PMFBP1: variants seen among roughly 807,000 people sequenced by gnomAD.
The protein encoded by PMFBP1 is polyamine-modulated factor 1-binding protein 1.
Under a neutral mutation model 137.8 loss-of-function variants are expected in PMFBP1, and 131 were observed. The observed-to-expected ratio is 0.95, with a 90% CI of 0.82 to 1.10. The LOEUF is 1.10. PMFBP1 is among the 50% of genes least tolerant of loss of function. The pLI is 0.00. For missense variants in PMFBP1, 1,199 were observed against 1,175.4 expected (o/e 1.02, Z -0.29); for synonymous variants, 490 against 450.4 (o/e 1.09, Z -1.11).
chr16:72,122,921 C>T lies in PMFBP1; in HGVS notation c.2761G>A (p.Glu921Lys), dbSNP rs775991146. 1.9e-5 allele frequency: 31 copies of T among 1,612,978 alleles called. No homozygotes were observed. The highest frequency in any genetic ancestry group is 1.6e-4 in the Middle Eastern group (1 of 6,068). Residue 921 changes from glutamate to lysine, a missense_variant, in exon 19 of 21, where the codon GAA becomes AAA. Glu to Lys is a moderately conservative substitution (Grantham distance 56). Coordinates refer to ENST00000237353, the MANE Select transcript of PMFBP1 (RefSeq NM_031293.3). Reference protein sequence around the residue: ...QVKYIAKLSGEKDHLHSVMVH... With the variant: ...QVKYIAKLSGKKDHLHSVMVH... ...TGGTTTAAGATGACTTACTCCTTTT[C>T]GCCACTCAGCTTGGCAATGTATTTC...
intron 5 of PMFBP1, among the ~76,000 whole-genome samples, chr16:72,142,267 G>C (rs184933204): frequency 6.6e-6 from 1 of 152,118 alleles, no homozygotes; most frequent in Admixed American, 6.6e-5. Flanking sequence ...CAAGGAAGAA[G>C]ATATCTACAT....
At chr16:72,239,007 T>C in the PMFBP1 span, among the ~76,000 whole-genome samples, 1 of 151,972 alleles carries the variant, frequency 6.6e-6, no homozygotes, top group Non-Finnish European at 1.5e-5. Flanking sequence ...TAATAAAATA[T>C]ACCCAAAAAA....
In PMFBP1 at chr16:72,128,788, C is replaced by T; in HGVS notation, c.1957G>A (p.Glu653Lys). 1.2e-6 allele frequency: 2 copies of T among 1,614,212 alleles called. No individual in the cohort carries two copies. Among genetic ancestry groups the T allele is most frequent in the East Asian group, 4.5e-5 (2 of 44,886 alleles). ...TCTTCCTCCAACTTTCTGGAATTCTCTTTCAACTGTTCCCTCATTAAAGAA... is the reference window on the plus strand; with the variant it reads ...TCTTCCTCCAACTTTCTGGAATTCTTTTTCAACTGTTCCCTCATTAAAGAA... ...EFKKKDKTLK[E>K]NSRKLEEENE... The change falls in exon 14 of 21, where the codon GAG (glutamate) becomes AAG (lysine). Residue 653 changes from glutamate to lysine, a missense_variant. Glu to Lys is a moderately conservative substitution (Grantham distance 56, BLOSUM62 1). Coordinates refer to ENST00000237353, the MANE Select transcript of PMFBP1 (RefSeq NM_031293.3).
At position 72,128,276 on chromosome 16, in the gene PMFBP1, A is replaced by G. The variant is rs951706896; in HGVS notation, c.2088+381T>C. 1.1e-5 allele frequency: 9 copies of G among 852,260 alleles called. No individual in the cohort carries two copies. In the African/African-American group the frequency reaches 1.6e-4, roughly 15 times the overall value. 52.8% of individuals were successfully genotyped at this position (852,260 alleles called of 1,614,324 possible). A position where few individuals can be genotyped will look rare whatever the true frequency, so the allele number is the denominator to read the frequency against. ...CCTTTCTGTCATTTTTACTTGTGTA[A>G]TGAAAAATAACTGTCCCCCCTTTCA... On this transcript the variant is annotated intron_variant, in intron 14 of 20. Transcript: ENST00000237353.
Position 72,131,228 on chromosome 16 carries a change from T to C in PMFBP1, c.1448-506A>G, listed in dbSNP as rs190532966. Among the ~76,000 whole-genome samples the C allele has an allele frequency of 3.9e-5, 6 of 151,986 alleles. No individual in the cohort carries two copies. The East Asian group carries it at 9.7e-4, about 25-fold the overall frequency. ...TAGAGCAGATGCCTGGTGAGGAGAA[T>C]GCGGAAGGTGTGTGGGAGGAGGGTA... On this transcript the variant is annotated intron_variant, in intron 10 of 20. Transcript: ENST00000237353.
chr16:72,235,565 G>T, the PMFBP1 span, among the ~76,000 whole-genome samples: 4 of 151,420 alleles, frequency 2.6e-5, no homozygotes, highest in Admixed American at 2.0e-4. Flanking sequence ...AAGCACCTGG[G>T]ATTTTGATAG....
At position 72,130,626 on chromosome 16, in the gene PMFBP1, T is replaced by G. The variant is rs777554184; in HGVS notation, c.1544A>C (p.Lys515Thr). ...TTCCTGGATGGTGTCTGCCTTCTGC[T>G]TGTCCAGGAGGAGACCCTTCTGCAG... ...RKLQKGLLLD[K>T]QKADTIQELQ... Residue 515 changes from lysine (K) to threonine (T), a missense_variant, in exon 11 of 21, where the codon AAG becomes ACG. By Grantham distance (78) the Lys-to-Thr change is moderately conservative (BLOSUM62 -1). Transcript: ENST00000237353. 3 of 1,613,854 alleles carry G rather than the reference T, an allele frequency of 1.9e-6. No homozygotes were observed. The African/African-American group carries it at 4.0e-5, about 22-fold the overall frequency.
chr16:72,125,500 C>T (rs778736142), intron 15 of PMFBP1, 95 bp from the exon 16 acceptor site: 2 of 1,377,672 alleles, frequency 1.5e-6, no homozygotes, highest in Non-Finnish European at 2.0e-6. Context: ...CCTTCCTGTC[C>T]TCTGCCCAGG....
chr16:72,229,291 T>C, the PMFBP1 span, among the ~76,000 whole-genome samples: 3 of 152,216 alleles, frequency 2.0e-5, no homozygotes, highest in African/African-American at 7.2e-5. Flanking sequence ...ATCTTTGCTA[T>C]TGTGAATAGT....
At chr16:72,132,677 A>G in intron 10 of PMFBP1, 71 bp downstream of exon 10, 1 of 1,593,382 alleles carries the variant, frequency 6.3e-7, no homozygotes, top group Non-Finnish European at 8.5e-7. Flanking sequence ...TGGGAGAGAG[A>G]AGGTGGCTGC....
chr16:72,142,149 G>A (rs2042733319), intron 5 of PMFBP1, among the ~76,000 whole-genome samples: 2 of 152,154 alleles, frequency 1.3e-5, no homozygotes, highest in African/African-American at 4.8e-5. Context: ...CTGTGAGCAA[G>A]CTGCAGGAAG....
intron 10 of PMFBP1, among the ~76,000 whole-genome samples, chr16:72,131,916 G>A (rs999908332): frequency 1.2e-4 from 18 of 152,174 alleles, no homozygotes; most frequent in African/African-American, 4.3e-4. Flanking sequence ...CGTAATCTCA[G>A]CTCACTGCAA....
the PMFBP1 span, among the ~76,000 whole-genome samples, chr16:72,208,746 C>T: frequency 2.0e-5 from 3 of 152,174 alleles, no homozygotes; most frequent in Admixed American, 6.5e-5. Flanking sequence ...GCGTCTTGAC[C>T]GCCTTAGTGT....
rs1480634023 is a variant in PMFBP1, at chr16:72,154,249, C to A, written c.376G>T (p.Val126Phe). ...AGTTTGCAGTGATGGTGCAGAAGAA[C>A]CAGGTCGGAAGTCTGCTTCTCTAGG... ...SILEKQTSDLVLLHHHCKLKE... is the reference protein window; with the variant it reads ...SILEKQTSDLFLLHHHCKLKE... Residue 126 changes from valine (V) to phenylalanine (F), a missense_variant, in exon 4 of 21, where the codon GTT becomes TTT. Val to Phe is a conservative substitution (Grantham distance 50, BLOSUM62 -1). Transcript: ENST00000237353. 1 of 1,614,090 alleles carries A rather than the reference C, an allele frequency of 6.2e-7. No homozygotes were observed. The highest frequency in any genetic ancestry group is 1.7e-5 in the Admixed American group (1 of 60,006).
At chr16:72,169,026 C>T (rs1015306634) in intron 2 of PMFBP1, among the ~76,000 whole-genome samples, 1 of 152,146 alleles carries the variant, frequency 6.6e-6, no homozygotes, top group African/African-American at 2.4e-5. Context: ...GATTCAGTAG[C>T]ATTTTCAGAG....
chr16:72,126,037 T>A lies in PMFBP1; in HGVS notation c.2184A>T (p.Lys728Asn). The change falls in exon 15 of 21, where the codon AAA becomes AAT. Residue 728 changes from lysine (K) to asparagine (N), a missense_variant. Transcript: ENST00000237353. ...EKHYLQTTITKEAYDALSRKS... is the reference protein window; with the variant it reads ...EKHYLQTTITNEAYDALSRKS... ...TCCGGGATAATGCATCATAGGCTTCTTTGGTGATGGTAGTCTGGAGATAGT... is the reference window on the plus strand; with the variant it reads ...TCCGGGATAATGCATCATAGGCTTCATTGGTGATGGTAGTCTGGAGATAGT... The A allele has an allele frequency of 6.2e-7, 1 of 1,614,218 alleles. No individual in the cohort carries two copies. The highest frequency in any genetic ancestry group is 1.1e-5 in the South Asian group (1 of 91,084).
chr16:72,154,444 G>A lies in PMFBP1; in HGVS notation c.181C>T (p.Gln61Ter). ...MNSSHDKKQA[Q>*]ALAFEESEVE... ...TCTGACTCCTCGAATGCTAATGCCT[G>A]TGCTTGCTTCTTGTCCTACCATAGA... The change falls in exon 4 of 21, where the codon CAG (glutamine) becomes TAG (stop). Residue 61 changes from glutamine (Q) to a stop codon, truncating the protein, a stop_gained. Coordinates refer to ENST00000237353, the MANE Select transcript of PMFBP1 (RefSeq NM_031293.3). LOFTEE classifies it high-confidence loss of function. 3 of 1,613,896 alleles carry A rather than the reference G, an allele frequency of 1.9e-6. No homozygotes were observed. Among genetic ancestry groups the A allele is most frequent in the Non-Finnish European group, 2.5e-6 (3 of 1,179,846 alleles).
chr16:72,151,713 C>T lies in PMFBP1; in HGVS notation c.415-884G>A, dbSNP rs532724881. Among the ~76,000 whole-genome samples the T allele has an allele frequency of 3.9e-5, 6 of 152,294 alleles. No individual in the cohort carries two copies. In the South Asian group the frequency reaches 8.3e-4, roughly 21 times the overall value. Reference sequence around the variant, plus strand: ...ATAACTTTGTGTAAGGTGTCTACTACGTAAGGGGAAGAAGAGAGGAATATT... The same window carrying T: ...ATAACTTTGTGTAAGGTGTCTACTATGTAAGGGGAAGAAGAGAGGAATATT... On this transcript the variant is annotated intron_variant, in intron 4 of 20. Coordinates refer to ENST00000237353, the MANE Select transcript of PMFBP1 (RefSeq NM_031293.3).
chr16:72,238,285 T>C, the PMFBP1 span, among the ~76,000 whole-genome samples: 2 of 152,246 alleles, frequency 1.3e-5, no homozygotes, highest in African/African-American at 4.8e-5. Context: ...ATAGTGTTCC[T>C]TTTTCTCCAC....
Sources: gnomAD v4.1 joint callset for allele counts (sites outside exome capture counted in the v4.1 genomes callset) on GRCh38, gnomAD v4.1.1 for gene constraint, MANE v1.5 for transcripts, NCBI Gene and HGNC (gene_info 2026-07-23, HGNC 2026-07-21) for gene names.